The following ARHGEF3 variants were observed in gnomAD, a reference collection of about 807,000 sequenced individuals.
The protein encoded by ARHGEF3 is Rho guanine nucleotide exchange factor 3.
A neutral mutation model predicts 63.2 loss-of-function variants in ARHGEF3; 28 were observed. That is an observed-to-expected ratio of 0.44 (90% CI 0.33 to 0.61). The LOEUF is 0.61. Ranked by LOEUF, ARHGEF3 falls within the 20% of genes least tolerant of loss-of-function variation. The pLI is 0.03. For synonymous variants in ARHGEF3, 266 were observed against 254.2 expected (o/e 1.05, Z -0.44); for missense variants, 533 against 659.3 (o/e 0.81, Z 2.10).
At chr3:57,002,265 T>C (rs1702227451) in intron 2 of ARHGEF3, among the ~76,000 whole-genome samples, 1 of 150,804 alleles carries the variant, frequency 6.6e-6, no homozygotes. Context: ...CATTAGTCAG[T>C]AGTATCAGTT....
chr3:56,838,929 A>G (rs2039214421), intron 4 of ARHGEF3, among the ~76,000 whole-genome samples: 2 of 150,884 alleles, frequency 1.3e-5, no homozygotes, highest in Admixed American at 6.7e-5. Context: ...CAGGAGTTCA[A>G]GACCAGCCTA....
intron 4 of ARHGEF3, among the ~76,000 whole-genome samples, chr3:56,877,098 T>A (rs77976866): frequency 0.031 from 4,758 of 152,298 alleles, 309 homozygotes; most frequent in East Asian, 0.21. Context: ...ATTCATACTC[T>A]TTTAGCCAGG....
At chr3:57,000,117 C>T (rs1233206370) in intron 2 of ARHGEF3, among the ~76,000 whole-genome samples, 2 of 152,136 alleles carry the variant, frequency 1.3e-5, no homozygotes, top group Non-Finnish European at 2.9e-5. Context: ...CCTGCAAATG[C>T]TTGCCCGAGT....
At chr3:56,913,323 C>A (rs1167101981) in intron 3 of ARHGEF3, among the ~76,000 whole-genome samples, 1 of 151,706 alleles carries the variant, frequency 6.6e-6, no homozygotes, top group Non-Finnish European at 1.5e-5. Context: ...AATAAGCAAC[C>A]CAATTCGAAA....
intron 1 of ARHGEF3, chr3:57,078,879 T>G: frequency 1.4e-5 from 3 of 210,808 alleles, no homozygotes; most frequent in Non-Finnish European, 2.8e-5. Flanking sequence ...CTCCGGGAAT[T>G]TTCGCTCAAG....
chr3:56,887,917 G>C (rs2040977307), intron 3 of ARHGEF3, among the ~76,000 whole-genome samples: 1 of 152,162 alleles, frequency 6.6e-6, no homozygotes, highest in Non-Finnish European at 1.5e-5. Flanking sequence ...AATGAATAAA[G>C]GAGGCCAGTG....
intron 4 of ARHGEF3, among the ~76,000 whole-genome samples, chr3:56,840,850 TG>T (rs2039286811): frequency 6.6e-6 from 1 of 152,232 alleles, no homozygotes; most frequent in Non-Finnish European, 1.5e-5. Context: ...TCATTTTCTT[TG>T]GTAAGAATTT....
intron 1 of ARHGEF3, among the ~76,000 whole-genome samples, chr3:56,797,801 C>T (rs1245667033): frequency 6.6e-6 from 1 of 152,182 alleles, no homozygotes; most frequent in Non-Finnish European, 1.5e-5. Flanking sequence ...CAAGGTTATA[C>T]TTAAAAGATA....
chr3:57,034,768 C>A (rs965974335), intron 2 of ARHGEF3, among the ~76,000 whole-genome samples: 6 of 151,002 alleles, frequency 4.0e-5, no homozygotes, highest in Admixed American at 2.6e-4. Context: ...ACAATCCTCC[C>A]GCCTCAGCCT....
chr3:57,023,189 T>C (rs879548991), intron 2 of ARHGEF3, among the ~76,000 whole-genome samples: 1 of 152,148 alleles, frequency 6.6e-6, no homozygotes. Context: ...AGTATCCCTA[T>C]CCCAAACACA....
At chr3:57,045,605 C>T (rs547426295) in intron 1 of ARHGEF3, among the ~76,000 whole-genome samples, 1 of 152,330 alleles carries the variant, frequency 6.6e-6, no homozygotes, top group African/African-American at 2.4e-5. Flanking sequence ...ATGCTCAACC[C>T]ACTCAGCAAT....
In ARHGEF3 at chr3:56,767,209, T is replaced by C. The variant is rs757577798; in HGVS notation, c.204+6500A>G. On this transcript the variant is annotated intron_variant, in intron 2 of 9. Transcript: ENST00000296315. Reference sequence around the variant, plus strand: ...TAACGACATGAAAAATACTCTTCTATTGTAGAGTTATTTTATACCGTTAAG... The same window carrying C: ...TAACGACATGAAAAATACTCTTCTACTGTAGAGTTATTTTATACCGTTAAG... Among the ~76,000 whole-genome samples the C allele has an allele frequency of 1.7e-4, 26 of 152,202 alleles. 1 individual carries two copies. Among genetic ancestry groups the C allele is most frequent in the Middle Eastern group, 3.4e-3 (1 of 294 alleles).
At chr3:56,811,313 G>C (rs1306742120) in intron 4 of ARHGEF3, among the ~76,000 whole-genome samples, 1 of 149,870 alleles carries the variant, frequency 6.7e-6, no homozygotes, top group African/African-American at 2.4e-5. Flanking sequence ...GTAGAGCAGA[G>C]AATGGGAGGA....
At chr3:56,796,851 G>T (rs763907578) in intron 1 of ARHGEF3, among the ~76,000 whole-genome samples, 3 of 152,110 alleles carry the variant, frequency 2.0e-5, no homozygotes, top group African/African-American at 4.8e-5. Flanking sequence ...ACAAAACAGG[G>T]CATTAATACC....
chr3:56,774,954 AATG>A (rs1201663458), intron 1 of ARHGEF3: 3 of 1,384,186 alleles, frequency 2.2e-6, no homozygotes, highest in South Asian at 1.4e-5. Context: ...TGGGGAAGAG[AATG>A]ATGATAGACA....
intron 3 of ARHGEF3, among the ~76,000 whole-genome samples, chr3:56,913,759 C>A (rs1184422951): frequency 6.6e-6 from 1 of 152,182 alleles, no homozygotes; most frequent in East Asian, 1.9e-4. Context: ...AGTAGATCTA[C>A]CATTTGATTC....
intron 7 of ARHGEF3, among the ~76,000 whole-genome samples, chr3:56,739,729 AT>A (rs1293467343): frequency 6.6e-6 from 1 of 152,020 alleles, no homozygotes. Flanking sequence ...TGCCACTAAA[AT>A]GATATTGTCT....
chr3:57,023,941 C>A (rs1703364429), intron 2 of ARHGEF3, among the ~76,000 whole-genome samples: 1 of 152,314 alleles, frequency 6.6e-6, no homozygotes, highest in East Asian at 1.9e-4. Context: ...CAGAACAACG[C>A]CCCCGGCACT....
intron 4 of ARHGEF3, among the ~76,000 whole-genome samples, chr3:56,827,629 C>A (rs1421725065): frequency 1.3e-5 from 2 of 151,520 alleles, no homozygotes; most frequent in Non-Finnish European, 2.9e-5. Context: ...TAAGAGCGTA[C>A]CCTGGCCAGG....
Sources: allele counts gnomAD v4.1 joint callset (sites outside exome capture counted in the v4.1 genomes callset), GRCh38; gene constraint gnomAD v4.1.1; transcripts MANE v1.5; gene names NCBI Gene and HGNC (gene_info 2026-07-23, HGNC 2026-07-21).